Variants in ST6GALNAC5 observed in about 807,000 individuals in gnomAD.
ST6GALNAC5 encodes alpha-N-acetylgalactosaminide alpha-2,6-sialyltransferase 5.
ST6GALNAC5 carries 27 observed loss-of-function variants against 33.6 expected under a neutral mutation model. That is an observed-to-expected ratio of 0.80 (90% CI 0.59 to 1.11). ST6GALNAC5 has a LOEUF of 1.11. Among genes scored for constraint, ST6GALNAC5 ranks in the 50% least tolerant of loss-of-function variants. The pLI, the probability that ST6GALNAC5 is intolerant of heterozygous loss-of-function variation, is 0.00. For missense variants in ST6GALNAC5, 428 were observed against 454.0 expected (o/e 0.94, Z 0.52); for synonymous variants, 194 against 171.2 (o/e 1.13, Z -1.04).
rs1308599613 is a variant in ST6GALNAC5 at position 76,984,654 on chromosome 1, A to G, written c.262-59550A>G. ...AATAGAAAAAGAGGGAATCCTCCCTAACTCATTTTATGAGGCCAACATCAT... is the reference window on the plus strand; with the variant it reads ...AATAGAAAAAGAGGGAATCCTCCCTGACTCATTTTATGAGGCCAACATCAT... On this transcript the variant is annotated intron_variant, in intron 2 of 4. Coordinates refer to ENST00000477717, the MANE Select transcript of ST6GALNAC5 (RefSeq NM_030965.3). 2.0e-5 allele frequency among the ~76,000 whole-genome samples: 3 copies of G among 152,262 alleles called. No homozygotes were observed. In the South Asian group the frequency reaches 6.2e-4, roughly 31 times the overall value.
At chr1:76,924,700 C>T (rs1298155772) in intron 2 of ST6GALNAC5, among the ~76,000 whole-genome samples, 1 of 152,146 alleles carries the variant, frequency 6.6e-6, no homozygotes, top group Non-Finnish European at 1.5e-5. Flanking sequence ...GTTCTATGAG[C>T]TCAAACACCT....
At chr1:76,956,273 T>C (rs1415764222) in intron 2 of ST6GALNAC5, among the ~76,000 whole-genome samples, 1 of 147,154 alleles carries the variant, frequency 6.8e-6, no homozygotes, top group East Asian at 2.0e-4. Context: ...AGGCCCAAGA[T>C]CCAGAAAAAA....
At chr1:77,005,473 G>A (rs1461357731) in intron 2 of ST6GALNAC5, among the ~76,000 whole-genome samples, 77 of 152,244 alleles carry the variant, frequency 5.1e-4, no homozygotes, top group Non-Finnish European at 4.4e-5. Flanking sequence ...GCTGGGAGCT[G>A]TAGACCGGAG....
chr1:77,045,566 T>C (rs1338369799), intron 3 of ST6GALNAC5, among the ~76,000 whole-genome samples: 2 of 152,154 alleles, frequency 1.3e-5, no homozygotes, highest in African/African-American at 4.8e-5. Context: ...GGTTGAAAGA[T>C]TTGGAAATTA....
chr1:77,046,581 T>G (rs1043620642), intron 3 of ST6GALNAC5, among the ~76,000 whole-genome samples: 4 of 152,042 alleles, frequency 2.6e-5, no homozygotes, highest in African/African-American at 9.7e-5. Flanking sequence ...CTGATCATCA[T>G]CTCCAGCTGC....
chr1:76,995,952 C>T (rs1649921459), intron 2 of ST6GALNAC5, among the ~76,000 whole-genome samples: 1 of 152,140 alleles, frequency 6.6e-6, no homozygotes, highest in African/African-American at 2.4e-5. Context: ...GGAGAGAGAC[C>T]ATTAGACATT....
chr1:77,039,089 T>A (rs550975756), intron 2 of ST6GALNAC5, among the ~76,000 whole-genome samples: 4 of 152,314 alleles, frequency 2.6e-5, no homozygotes, highest in African/African-American at 7.2e-5. Flanking sequence ...TGTGTGTATC[T>A]GCACACTCCC....
rs1653426738 is a variant in ST6GALNAC5 at position 76,868,802 on chromosome 1, C to T, written c.261+60C>T. 1.4e-6 allele frequency: 2 copies of T among 1,435,582 alleles called. No individual in the cohort carries two copies. Among genetic ancestry groups the T allele is most frequent in the Non-Finnish European group, 9.1e-7 (1 of 1,100,790 alleles). 88.9% of individuals were successfully genotyped at this position (1,435,582 alleles called of 1,614,324 possible). A position where few individuals can be genotyped will look rare whatever the true frequency, so the allele number is the denominator to read the frequency against. ...GCCTGGGGATCCCGCACACCTGAGC[C>T]TTCCCCCTTTCCCGGGGCTGGGAGG... On this transcript the variant is annotated intron_variant, in intron 2 of 4. Coordinates refer to ENST00000477717, the MANE Select transcript of ST6GALNAC5 (RefSeq NM_030965.3). This position sits in a 1 kb window ranked among gnomAD's most constrained non-coding sequence, Gnocchi z 4.3.
intron 3 of ST6GALNAC5, among the ~76,000 whole-genome samples, chr1:77,048,706 G>T (rs1652097868): frequency 6.6e-6 from 1 of 152,190 alleles, no homozygotes; most frequent in South Asian, 2.1e-4. Flanking sequence ...AAAAAGAATG[G>T]TGAAATTATT....
intron 2 of ST6GALNAC5, among the ~76,000 whole-genome samples, chr1:76,935,473 C>A (rs970149389): frequency 2.0e-5 from 3 of 152,000 alleles, no homozygotes; most frequent in African/African-American, 7.2e-5. Context: ...TCAGAGCATA[C>A]TCTTGTTGAA....
At chr1:76,872,319 A>T (rs1485224724) in intron 2 of ST6GALNAC5, among the ~76,000 whole-genome samples, 1 of 152,154 alleles carries the variant, frequency 6.6e-6, no homozygotes, top group South Asian at 2.1e-4. Context: ...CAGAAGGCCC[A>T]CTATCACCCA....
intron 2 of ST6GALNAC5, among the ~76,000 whole-genome samples, chr1:76,939,920 A>G (rs1557730437): frequency 6.6e-6 from 1 of 152,074 alleles, no homozygotes; most frequent in Non-Finnish European, 1.5e-5. Flanking sequence ...ACCTCTTCAG[A>G]CCTCAATTTC....
chr1:76,906,080 C>G lies in ST6GALNAC5; in HGVS notation c.261+37338C>G, dbSNP rs571443831. Among the ~76,000 whole-genome samples the G allele has an allele frequency of 1.1e-4, 16 of 152,208 alleles. No homozygotes were observed. The East Asian group carries it at 1.4e-3, about 13-fold the overall frequency. On this transcript the variant is annotated intron_variant, in intron 2 of 4. Transcript: ENST00000477717. ...CGGAGGAAGAAAAGCCATAATGAAC[C>G]CTCCCTTTTTCTTTTTCTTAACTGA...
At chr1:77,045,203 T>TAAG (rs1651968078) in intron 3 of ST6GALNAC5, among the ~76,000 whole-genome samples, 1 of 152,196 alleles carries the variant, frequency 6.6e-6, no homozygotes, top group Admixed American at 6.5e-5. Context: ...AACTCCATAT[T>TAAG]AAGACACGAA....
At chr1:76,953,083 C>T (rs1647817146) in intron 2 of ST6GALNAC5, among the ~76,000 whole-genome samples, 2 of 152,122 alleles carry the variant, frequency 1.3e-5, no homozygotes, top group East Asian at 3.9e-4. Context: ...AACCATTCAC[C>T]CATTGATAGA....
At chr1:76,872,698 A>G (rs528296061) in intron 2 of ST6GALNAC5, among the ~76,000 whole-genome samples, 2 of 152,362 alleles carry the variant, frequency 1.3e-5, no homozygotes, top group Admixed American at 1.3e-4. Flanking sequence ...ACACAAGTTT[A>G]CATAATTTAT....
At chr1:77,057,137 A>C (rs1652428598) in intron 4 of ST6GALNAC5, among the ~76,000 whole-genome samples, 1 of 152,184 alleles carries the variant, frequency 6.6e-6, no homozygotes, top group African/African-American at 2.4e-5. Flanking sequence ...CAGGTACTGC[A>C]CCAAGAATAG....
At chr1:77,038,603 C>T (rs952238053) in intron 2 of ST6GALNAC5, among the ~76,000 whole-genome samples, 3 of 152,190 alleles carry the variant, frequency 2.0e-5, no homozygotes, top group African/African-American at 7.2e-5. Flanking sequence ...ACAAGGACAT[C>T]GCTGAGTGTT....
chr1:76,975,819 G>A (rs990706678), intron 2 of ST6GALNAC5, among the ~76,000 whole-genome samples: 3 of 152,190 alleles, frequency 2.0e-5, no homozygotes, highest in South Asian at 2.1e-4. Flanking sequence ...GACTGGGCAC[G>A]GTGGATGGCT....
Sources: allele counts gnomAD v4.1 joint callset (sites outside exome capture counted in the v4.1 genomes callset), GRCh38; gene constraint gnomAD v4.1.1; non-coding constraint Gnocchi (gnomAD v3.1); transcripts MANE v1.5; gene names NCBI Gene and HGNC (gene_info 2026-07-23, HGNC 2026-07-21).